The following LINGO1 variants were observed in gnomAD, a reference collection of about 807,000 sequenced individuals.
The protein encoded by LINGO1 is leucine-rich repeat and immunoglobulin-like domain-containing nogo receptor-interacting protein 1.
Under a neutral mutation model 37.3 loss-of-function variants are expected in LINGO1, and 11 were observed. The observed-to-expected ratio is 0.29, with a 90% CI of 0.19 to 0.49. LINGO1 has a LOEUF of 0.49. LINGO1 is among the 20% of genes least tolerant of loss of function. LINGO1 has a pLI of 0.99. For missense variants in LINGO1, 585 were observed against 878.2 expected (o/e 0.67, Z 4.22); for synonymous variants, 387 against 403.0 (o/e 0.96, Z 0.48).
At chr15:77,805,760 A>C (rs143225419) in intron 1 of LINGO1, among the ~76,000 whole-genome samples, 1 of 152,134 alleles carries the variant, frequency 6.6e-6, no homozygotes, top group Admixed American at 6.5e-5. Context: ...TGTAGGCTCC[A>C]AGGGCCACAA....
intron 3 of LINGO1, among the ~76,000 whole-genome samples, chr15:77,655,687 A>T (rs2074850079): frequency 6.6e-6 from 1 of 152,140 alleles, no homozygotes; most frequent in East Asian, 1.9e-4. Context: ...AGGCCTAATG[A>T]GGTTCATTTG....
chr15:77,685,628 C>A (rs2075495129), intron 2 of LINGO1, among the ~76,000 whole-genome samples: 1 of 147,522 alleles, frequency 6.8e-6, no homozygotes, highest in South Asian at 2.3e-4. Context: ...GAGGCTGAGG[C>A]GGGAAGATCA....
chr15:77,794,603 T>TGAGACGGAGTCTCGCTCTGTCGCCCAGGC (rs2076857075), intron 2 of LINGO1, among the ~76,000 whole-genome samples: 1 of 135,112 alleles, frequency 7.4e-6, no homozygotes. Context: ...TTTTTTTTTT[T>TGAGACGGAGTCTCGCTCTGTCGCCCAGGC]TTGAGACGGA....
chr15:77,713,314 G>A (rs1231906343), intron 2 of LINGO1, among the ~76,000 whole-genome samples: 1 of 150,946 alleles, frequency 6.6e-6, no homozygotes, highest in Non-Finnish European at 1.5e-5. Context: ...CTGAGCTCAA[G>A]TACTCTGCCT....
intron 1 of LINGO1, among the ~76,000 whole-genome samples, chr15:77,777,169 A>G (rs985622871): frequency 2.6e-5 from 4 of 152,160 alleles, no homozygotes; most frequent in Non-Finnish European, 4.4e-5. Context: ...CCCCAGCCTC[A>G]ATTACAGGGG....
At position 77,614,912 on chromosome 15, in the gene LINGO1, C is replaced by A; in HGVS notation, c.995G>T (p.Arg332Leu). 1 of 1,613,940 alleles carries A rather than the reference C, an allele frequency of 6.2e-7. No individual in the cohort carries two copies. Residue 332 changes from arginine (R) to leucine (L), a missense_variant, in exon 2 of 2, where the codon CGC (arginine) becomes CTC (leucine). Transcript: ENST00000355300. ...QLAVVEPYAF[R>L]GLNYLRVLNV... ...GAGCACGCGCAGGTAGTTGAGGCCGCGGAAGGCATAGGGCTCCACCACGGC... is the reference window on the plus strand; with the variant it reads ...GAGCACGCGCAGGTAGTTGAGGCCGAGGAAGGCATAGGGCTCCACCACGGC...
At position 77,632,295 on chromosome 15, in the gene LINGO1, G is replaced by T. The variant is rs771787342; in HGVS notation, c.6+15C>A. 2.8e-6 allele frequency: 4 copies of T among 1,428,648 alleles called. No homozygotes were observed. Among genetic ancestry groups the T allele is most frequent in the East Asian group, 3.0e-5 (1 of 32,958 alleles). The allele number at this position is 1,428,648 out of a possible 1,614,324, so 88.5% of individuals were successfully genotyped here. A position where few individuals can be genotyped will look rare whatever the true frequency, so the allele number is the denominator to read the frequency against. On this transcript the variant is annotated intron_variant, in intron 1 of 1. Coordinates refer to ENST00000355300, the MANE Select transcript of LINGO1 (RefSeq NM_032808.7). This position sits in a 1 kb window ranked among gnomAD's most constrained non-coding sequence, Gnocchi z 6.0. Reference sequence around the variant, plus strand: ...GGCTGCCCGCTCGGGGCTCGGCCGCGGCCGCCTGGCTCACCTGCATCTCGG... The same window carrying T: ...GGCTGCCCGCTCGGGGCTCGGCCGCTGCCGCCTGGCTCACCTGCATCTCGG...
intron 1 of LINGO1, among the ~76,000 whole-genome samples, chr15:77,749,160 G>A (rs563534020): frequency 1.9e-4 from 29 of 151,884 alleles, no homozygotes; most frequent in African/African-American, 6.0e-4. Context: ...CGCCTGCCTC[G>A]GCCTCCCAAA....
chr15:77,686,180 T>C (rs1345882301), intron 2 of LINGO1, among the ~76,000 whole-genome samples: 1 of 152,166 alleles, frequency 6.6e-6, no homozygotes, highest in African/African-American at 2.4e-5. Flanking sequence ...GTCGGAGGCC[T>C]CAGCCTGATG....
chr15:77,616,670 T>A (rs2073735060), intron 1 of LINGO1, among the ~76,000 whole-genome samples: 1 of 152,114 alleles, frequency 6.6e-6, no homozygotes, highest in Non-Finnish European at 1.5e-5. Flanking sequence ...CCTGGTGGGA[T>A]CTGTGACTCT....
chr15:77,616,042 G>T, intron 1 of LINGO1, 142 bp from the exon 2 acceptor site: 1 of 550,994 alleles, frequency 1.8e-6, no homozygotes, highest in Non-Finnish European at 3.0e-6. Context: ...AGATGCCCAG[G>T]CCAGAGGGCC....
At chr15:77,640,827 C>CATTCATTCAT (rs2074487896) in intron 3 of LINGO1, among the ~76,000 whole-genome samples, 1 of 150,484 alleles carries the variant, frequency 6.6e-6, no homozygotes, top group Non-Finnish European at 1.5e-5. Context: ...CATTCATCTC[C>CATTCATTCAT]TCATTCATTC....
chr15:77,677,533 C>T (rs1399973677), intron 2 of LINGO1, among the ~76,000 whole-genome samples: 1 of 152,088 alleles, frequency 6.6e-6, no homozygotes, highest in Non-Finnish European at 1.5e-5. Context: ...CAACCCCACC[C>T]CATTCTCTCT....
chr15:77,665,021 G>C (rs1344347288), intron 3 of LINGO1, among the ~76,000 whole-genome samples: 1 of 152,210 alleles, frequency 6.6e-6, no homozygotes, highest in Non-Finnish European at 1.5e-5. Context: ...CTCATACAGA[G>C]GTGGGCGCAC....
chr15:77,613,934 C>T lies in LINGO1; in HGVS notation c.*110G>A, dbSNP rs764996322. On this transcript the variant is annotated 3_prime_UTR_variant, in exon 2 of 2. Transcript: ENST00000355300. ...ACGGAGGCGGGAGGGAGAAAGAGAACGTGTGTAGAAGGGTAGGGAGGAGGT... is the reference window on the plus strand; with the variant it reads ...ACGGAGGCGGGAGGGAGAAAGAGAATGTGTGTAGAAGGGTAGGGAGGAGGT... 812 of 881,534 alleles carry T rather than the reference C, an allele frequency of 9.2e-4. 2 individuals are homozygous for T. The highest frequency in any genetic ancestry group is 1.5e-3 in the East Asian group (58 of 37,512). The allele number at this position is 881,534 out of a possible 1,614,324, so 54.6% of individuals were successfully genotyped here.
At position 77,658,869 on chromosome 15, in the gene LINGO1, G is replaced by A. The variant is rs376539007; in HGVS notation, c.-13+18220C>T. Reference sequence around the variant, plus strand: ...AGGACGGAGTGGGAGAGGAGCAGGGGAAAGGGAGGCAGGCAGATCACAAAG... The same window carrying A: ...AGGACGGAGTGGGAGAGGAGCAGGGAAAAGGGAGGCAGGCAGATCACAAAG... On this transcript the variant is annotated intron_variant, in intron 3 of 3. Coordinates refer to the LINGO1 transcript ENST00000559893. Among the ~76,000 whole-genome samples the A allele has an allele frequency of 6.3e-4, 96 of 152,354 alleles. 1 individual carries two copies. Among genetic ancestry groups the A allele is most frequent in the Middle Eastern group, 3.4e-3 (1 of 294 alleles).
At chr15:77,728,404 G>A (rs1265848704) in intron 2 of LINGO1, among the ~76,000 whole-genome samples, 1 of 152,202 alleles carries the variant, frequency 6.6e-6, no homozygotes, top group Admixed American at 6.5e-5. Context: ...CGTTCGTCTC[G>A]GCTGCTGAGG....
At chr15:77,684,407 C>T (rs2075468522) in intron 2 of LINGO1, among the ~76,000 whole-genome samples, 1 of 152,210 alleles carries the variant, frequency 6.6e-6, no homozygotes, top group Non-Finnish European at 1.5e-5. Context: ...TGGACCTAGG[C>T]AGAGGGTCTT....
intron 2 of LINGO1, among the ~76,000 whole-genome samples, chr15:77,793,334 T>C (rs1339401351): frequency 6.6e-6 from 1 of 152,158 alleles, no homozygotes; most frequent in Admixed American, 6.5e-5. Context: ...CTCTAATCAC[T>C]GGAGCACCGA....
Sources: gnomAD v4.1 joint callset for allele counts (sites outside exome capture counted in the v4.1 genomes callset) on GRCh38, gnomAD v4.1.1 for gene constraint, Gnocchi (gnomAD v3.1) non-coding constraint, MANE v1.5 for transcripts, NCBI Gene and HGNC (gene_info 2026-07-23, HGNC 2026-07-21) for gene names.